COL1A2: variants seen among roughly 807,000 people sequenced by gnomAD.
COL1A2 encodes the protein collagen alpha-2(I) chain.
A neutral mutation model predicts 174.3 loss-of-function variants in COL1A2; 49 were observed. The observed-to-expected ratio is 0.28, with a 90% CI of 0.22 to 0.36. The LOEUF is 0.36. Among genes scored for constraint, COL1A2 ranks in the 10% least tolerant of loss-of-function variants. COL1A2 has a pLI of 1.00. For synonymous variants in COL1A2, 655 were observed against 606.6 expected, an observed-to-expected ratio of 1.08 and a Z score of -1.17; for missense variants, 1,438 against 1,822.7, an observed-to-expected ratio of 0.79 and a Z score of 3.84.
chr7:94,408,736 G>T (rs1161355819), intron 15 of COL1A2, 34 bp from the exon 16 acceptor site: 1 of 1,612,148 alleles, frequency 6.2e-7, no homozygotes, highest in South Asian at 1.1e-5. Context: ...TTTACTTGGA[G>T]GAAATTTCTT....
chr7:94,410,873 A>G lies in COL1A2; in HGVS notation c.1198-16A>G. The G allele has an allele frequency of 6.2e-7, 1 of 1,612,962 alleles. No individual in the cohort carries two copies. The highest frequency in any genetic ancestry group is 8.5e-7 in the Non-Finnish European group (1 of 1,179,132). ...AGATTTCTTTAATTCTCTCTATTTC[A>G]TGTACTTTCTTGCAGGGTAGTCCTG... is the stretch of plus-strand genomic sequence containing the variant. On this transcript the variant is annotated splice_polypyrimidine_tract_variant and intron_variant, in intron 21 of 51. Coordinates refer to ENST00000297268, the MANE Select transcript of COL1A2 (RefSeq NM_000089.4).
chr7:94,429,680 G>A, intron 51 of COL1A2: 2 of 467,756 alleles, frequency 4.3e-6, no homozygotes, highest in South Asian at 5.4e-5. Flanking sequence ...CTGAAATGCT[G>A]AAATGTATAC....
In COL1A2 at chr7:94,425,100, C is replaced by T. The variant is rs868457535; in HGVS notation, c.2674-17C>T. The T allele has an allele frequency of 5.0e-6, 8 of 1,609,612 alleles. No individual in the cohort carries two copies. The Middle Eastern group carries it at 1.3e-3, about 266-fold the overall frequency. On this transcript the variant is annotated splice_polypyrimidine_tract_variant and intron_variant, in intron 41 of 51. Coordinates refer to ENST00000297268, the MANE Select transcript of COL1A2 (RefSeq NM_000089.4). ...TCGAATAAGGGGAATGTCATTTTAT[C>T]TTCTCTGCCTGTTTAGGGTGAACCT...
intron 23 of COL1A2, 97 bp from the exon 24 acceptor site, chr7:94,411,971 T>A (rs1279322916): frequency 3.1e-6 from 3 of 977,062 alleles, no homozygotes; most frequent in Middle Eastern, 2.0e-4. Flanking sequence ...AAACAAAAAG[T>A]CGGGGGAAAA....
intron 50 of COL1A2, 93 bp from the exon 51 acceptor site, chr7:94,429,095 G>A (rs1373859867): frequency 5.0e-6 from 5 of 994,208 alleles, no homozygotes; most frequent in Non-Finnish European, 7.3e-6. Flanking sequence ...CTCTTCCTGA[G>A]ATCTTTTTTT....
intron 31 of COL1A2, 120 bp downstream of exon 31, chr7:94,416,623 C>T: frequency 1.3e-6 from 1 of 790,116 alleles, no homozygotes; most frequent in Non-Finnish European, 2.1e-6. Flanking sequence ...TCTGTGATGA[C>T]TTCCCTCTCA....
chr7:94,400,466 T>TTGTCAATTA (rs1791668015), intron 5 of COL1A2, among the ~76,000 whole-genome samples, 178 bp downstream of exon 5: 1 of 152,188 alleles, frequency 6.6e-6, no homozygotes, highest in Admixed American at 6.5e-5. Context: ...TTGTGAGCCC[T>TTGTCAATTA]TGTCAATTAC....
chr7:94,406,141 G>A, intron 11 of COL1A2, 109 bp from the exon 12 acceptor site: 5 of 1,128,580 alleles, frequency 4.4e-6, no homozygotes, highest in Non-Finnish European at 6.6e-6. Context: ...TTCTACTGCA[G>A]CAGACAAGAC....
chr7:94,426,169 G>T, intron 45 of COL1A2, 118 bp downstream of exon 45: 1 of 1,025,724 alleles, frequency 9.7e-7, no homozygotes, highest in Non-Finnish European at 1.5e-6. Flanking sequence ...AAAAATTTCA[G>T]TCCATGCTGA....
In COL1A2 at chr7:94,403,999, CT is replaced by C. The variant is rs200450071; in HGVS notation, c.280-556del. Among the ~76,000 whole-genome samples, 493 of 152,256 alleles carry C rather than the reference CT, an allele frequency of 3.2e-3. 2 individuals carry two copies. The highest frequency in any genetic ancestry group is 0.011 in the African/African-American group (445 of 41,544). ...ATAATGTTTTATTTTTCCTTCACCC[CT>C]CATTACATCCACTTTTGTTTGACAT... On this transcript the variant is annotated intron_variant, in intron 6 of 51. Coordinates refer to ENST00000297268, the MANE Select transcript of COL1A2 (RefSeq NM_000089.4).
At position 94,425,156 on chromosome 7, in the gene COL1A2, G is replaced by T. The variant is rs1344095248; in HGVS notation, c.2713G>T (p.Ala905Ser). The change falls in exon 42 of 52, where the codon GCC becomes TCC. Residue 905 changes from alanine to serine, a missense_variant. By Grantham distance (99) the Ala-to-Ser change is moderately conservative (BLOSUM62 1). This residue lies in a region of COL1A2 where 867 missense variants were observed against 1,213.7 expected (regional missense o/e 0.71). Coordinates refer to ENST00000297268, the MANE Select transcript of COL1A2 (RefSeq NM_000089.4). Reference protein sequence around the residue: ...GPLGIAGPPGARGPPGAVGSP... With the variant: ...GPLGIAGPPGSRGPPGAVGSP... ...TCTTGGCATTGCCGGCCCTCCTGGG[G>T]CCCGTGGTCCTCCTGGTGCTGTGGG... is the stretch of plus-strand genomic sequence containing the variant. 4 of 1,613,962 alleles carry T rather than the reference G, an allele frequency of 2.5e-6. No individual in the cohort carries two copies. In the African/African-American group the frequency reaches 4.0e-5, roughly 16 times the overall value.
chr7:94,422,288 G>T (rs910387161), intron 39 of COL1A2, among the ~76,000 whole-genome samples: 3 of 151,198 alleles, frequency 2.0e-5, no homozygotes, highest in Non-Finnish European at 2.9e-5. Flanking sequence ...TGCCTCCATT[G>T]TTAAGGTATA....
chr7:94,408,105 A>G (rs1481770700), intron 13 of COL1A2, 78 bp from the exon 14 acceptor site: 4 of 1,488,466 alleles, frequency 2.7e-6, no homozygotes, highest in African/African-American at 1.4e-5. Flanking sequence ...CAGGTTGGAA[A>G]CTGAACAAAG....
chr7:94,426,343 G>A (rs779076547), intron 45 of COL1A2, 80 bp from the exon 46 acceptor site: 58 of 1,274,154 alleles, frequency 4.6e-5, no homozygotes, highest in Non-Finnish European at 5.7e-5. Flanking sequence ...CTTTGTAAAC[G>A]AATTAAGCAG....
chr7:94,406,590 T>C (rs1442507462), intron 12 of COL1A2, among the ~76,000 whole-genome samples: 1 of 152,126 alleles, frequency 6.6e-6, no homozygotes, highest in Non-Finnish European at 1.5e-5. Flanking sequence ...CCAGTGTATC[T>C]CTGCAGCCAA....
chr7:94,411,009 CT>C (rs1791909421), intron 22 of COL1A2, 46 bp from the exon 23 acceptor site: 1 of 1,603,864 alleles, frequency 6.2e-7, no homozygotes, highest in Non-Finnish European at 8.5e-7. Flanking sequence ...GTGTCATTAG[CT>C]TTAGCATCCT....
At chr7:94,419,621 C>T in intron 34 of COL1A2, 70 bp downstream of exon 34, 2 of 1,541,364 alleles carry the variant, frequency 1.3e-6, no homozygotes, top group Middle Eastern at 3.4e-4. Context: ...CCCAAAGAGC[C>T]CCAGCAATTC....
At chr7:94,414,082 A>G (rs1791987789) in intron 28 of COL1A2, 135 bp downstream of exon 28, 6 of 1,342,552 alleles carry the variant, frequency 4.5e-6, no homozygotes, top group Non-Finnish European at 6.4e-6. Flanking sequence ...ATTTTTTTCA[A>G]ACAAACTTTT....
intron 12 of COL1A2, among the ~76,000 whole-genome samples, chr7:94,407,343 CACT>C (rs139122565): frequency 2.7e-5 from 4 of 149,250 alleles, no homozygotes; most frequent in Admixed American, 6.6e-5. Context: ...TATTAAATCC[CACT>C]ACTACTACTA....
Sources: allele counts gnomAD v4.1 joint callset (sites outside exome capture counted in the v4.1 genomes callset), GRCh38; gene constraint gnomAD v4.1.1; regional missense constraint gnomAD v4.1.1; transcripts MANE v1.5; gene names NCBI Gene and HGNC (gene_info 2026-07-23, HGNC 2026-07-21).